RXRA: variants seen among roughly 807,000 people sequenced by gnomAD.
The protein encoded by RXRA is retinoid X receptor alpha, also known as retinoic acid receptor RXR-alpha.
In RXRA, 5 loss-of-function variants were observed where a neutral mutation model predicts 44.5. That is an observed-to-expected ratio of 0.11 (90% confidence interval 0.06 to 0.24). The LOEUF is 0.24. Among genes scored for constraint, RXRA ranks in the 10% least tolerant of loss-of-function variants. RXRA has a pLI of 1.00. For synonymous variants in RXRA, 291 were observed against 271.4 expected (o/e 1.07, Z -0.71); for missense variants, 412 against 646.5 (o/e 0.64, Z 3.93).
intron 1 of RXRA, among the ~76,000 whole-genome samples, chr9:134,346,635 G>C (rs1376400131): frequency 2.0e-5 from 3 of 152,240 alleles, no homozygotes; most frequent in Non-Finnish European, 4.4e-5. Flanking sequence ...CTTCACATTA[G>C]TGGGGGAAAG....
intron 1 of RXRA, among the ~76,000 whole-genome samples, chr9:134,386,699 C>A (rs77529276): frequency 2.0e-5 from 3 of 151,708 alleles, no homozygotes; most frequent in Non-Finnish European, 4.4e-5. Context: ...CTGCCAGACC[C>A]TGCAGCCCGA....
rs1294402174 is a variant in RXRA, at chr9:134,349,374, C to G, written c.28+22715C>G. Among the ~76,000 whole-genome samples, 1 of 152,148 alleles carries G rather than the reference C, an allele frequency of 6.6e-6. No homozygotes were observed. The highest frequency in any genetic ancestry group is 1.5e-5 in the Non-Finnish European group (1 of 68,020). On this transcript the variant is annotated intron_variant, in intron 1 of 9. Coordinates refer to ENST00000481739, the MANE Select transcript of RXRA (RefSeq NM_002957.6). This position sits in a 1 kb window ranked among gnomAD's most constrained non-coding sequence, Gnocchi z 4.3. ...TGGAGGGCTTCGCCGAGCTTGGTGGCAGGGAGGGAAGGCCTCTCCACGGGG... is the reference window on the plus strand; with the variant it reads ...TGGAGGGCTTCGCCGAGCTTGGTGGGAGGGAGGGAAGGCCTCTCCACGGGG...
chr9:134,379,453 T>G, intron 1 of RXRA: 3 of 987,236 alleles, frequency 3.0e-6, no homozygotes, highest in Non-Finnish European at 3.6e-6. Flanking sequence ...TGTGTCTGTG[T>G]CCGGGAAGTG....
At chr9:134,418,633 C>T (rs779120685) in intron 5 of RXRA, among the ~76,000 whole-genome samples, 23 of 152,306 alleles carry the variant, frequency 1.5e-4, no homozygotes, top group East Asian at 5.8e-4. Context: ...GAGGTACCTC[C>T]GGCCTTCATC....
chr9:134,429,798 C>T lies in RXRA; in HGVS notation c.1043+558C>T, dbSNP rs565439931. Reference sequence around the variant, plus strand: ...CACCCTCGTCCGGGCCTGGGTGGTCCGTGTCCGTTCATGTTGCCCTCCTGG... The same window carrying T: ...CACCCTCGTCCGGGCCTGGGTGGTCTGTGTCCGTTCATGTTGCCCTCCTGG... On this transcript the variant is annotated intron_variant, in intron 7 of 9. Coordinates refer to ENST00000481739, the MANE Select transcript of RXRA (RefSeq NM_002957.6). Among the ~76,000 whole-genome samples, 45 of 152,282 alleles carry T rather than the reference C, an allele frequency of 3.0e-4. No homozygotes were observed. The South Asian group carries it at 5.0e-3, about 17-fold the overall frequency.
chr9:134,389,859 ACCGTGCGTGCTAGCTGCAGCC>A (rs1209348525), intron 1 of RXRA, among the ~76,000 whole-genome samples: 1 of 152,130 alleles, frequency 6.6e-6, no homozygotes, highest in Non-Finnish European at 1.5e-5. Context: ...GCTGGGAGTT[ACCGTGCGTGCTAGCTGCAGCC>A]CCGTCTCAGG....
In RXRA at chr9:134,378,840, G is replaced by A. The variant is rs183042977; in HGVS notation, c.29-22792G>A. 4.5e-3 allele frequency among the ~76,000 whole-genome samples: 684 copies of A among 152,316 alleles called. 3 individuals are homozygous for A. The highest frequency in any genetic ancestry group is 0.015 in the African/African-American group (626 of 41,572). Reference sequence around the variant, plus strand: ...CCTGCAGGAGTCCCGGCAGCTTCAGGAGCGGCCTCTGGAGCCTGGAGGGCA... The same window carrying A: ...CCTGCAGGAGTCCCGGCAGCTTCAGAAGCGGCCTCTGGAGCCTGGAGGGCA... On this transcript the variant is annotated intron_variant, in intron 1 of 9. Coordinates refer to ENST00000481739, the MANE Select transcript of RXRA (RefSeq NM_002957.6).
In RXRA at chr9:134,366,638, T is replaced by C. The variant is rs1197099491; in HGVS notation, c.29-34994T>C. ...CCTCCACTAGTGGGCTTTGGCCTCC[T>C]CGTGAGGAGCTGGGTGGGGCTGGAG... On this transcript the variant is annotated intron_variant, in intron 1 of 9. Transcript: ENST00000481739. This position sits in a 1 kb window ranked among gnomAD's most constrained non-coding sequence, Gnocchi z 5.9. 6.6e-6 allele frequency among the ~76,000 whole-genome samples: 1 copy of C among 152,042 alleles called. No individual in the cohort carries two copies. The highest frequency in any genetic ancestry group is 1.9e-4 in the East Asian group (1 of 5,156).
intron 1 of RXRA, among the ~76,000 whole-genome samples, chr9:134,396,986 A>G (rs1333828959): frequency 6.6e-6 from 1 of 152,074 alleles, no homozygotes; most frequent in Non-Finnish European, 1.5e-5. Context: ...CGCCCCCACC[A>G]CAGTCAGACT....
intron 1 of RXRA, among the ~76,000 whole-genome samples, chr9:134,369,676 G>T (rs952731549): frequency 4.6e-5 from 7 of 151,996 alleles, no homozygotes; most frequent in African/African-American, 1.7e-4. Flanking sequence ...GGAGTCATGG[G>T]CCTGGGTTTG....
At chr9:134,341,970 G>A (rs1830091577) in intron 1 of RXRA, among the ~76,000 whole-genome samples, 1 of 152,158 alleles carries the variant, frequency 6.6e-6, no homozygotes, top group African/African-American at 2.4e-5. Flanking sequence ...CTGAGGGTCC[G>A]CTGTGCTCCA....
intron 6 of RXRA, chr9:134,422,343 C>CG (rs1831355022): frequency 7.8e-7 from 1 of 1,280,706 alleles, no homozygotes; most frequent in African/African-American, 1.5e-5. Flanking sequence ...GACACTACCC[C>CG]CTCCCGGGAC....
chr9:134,333,679 C>T lies in RXRA; in HGVS notation c.28+7020C>T, dbSNP rs3818737. ...TGCTGCAGCCCAGAATGCAGTGAGG[C>T]TGGGAAGCCCCGGGGAGGGATCTAA... On this transcript the variant is annotated intron_variant, in intron 1 of 9. Transcript: ENST00000481739. Among the ~76,000 whole-genome samples the T allele has an allele frequency of 1.1e-3, 173 of 152,312 alleles. 2 individuals are homozygous for T. The East Asian group carries it at 0.032, about 28-fold the overall frequency.
At chr9:134,381,365 A>G (rs1407463121) in intron 1 of RXRA, among the ~76,000 whole-genome samples, 1 of 152,086 alleles carries the variant, frequency 6.6e-6, no homozygotes, top group Non-Finnish European at 1.5e-5. Context: ...GCGCTGGGGC[A>G]GAGTGCTGAG....
At position 134,365,586 on chromosome 9, in the gene RXRA, C is replaced by T. The variant is rs1235928453; in HGVS notation, c.29-36046C>T. On this transcript the variant is annotated intron_variant, in intron 1 of 9. Transcript: ENST00000481739. This position sits in a 1 kb window ranked among gnomAD's most constrained non-coding sequence, Gnocchi z 4.0. ...GGGTGGTAGGGGGTGATCTGCTTGT[C>T]CAGTGGTTTCTGTGGCTTTTCTGGG... Among the ~76,000 whole-genome samples, 1 of 152,136 alleles carries T rather than the reference C, an allele frequency of 6.6e-6. No homozygotes were observed. Among genetic ancestry groups the T allele is most frequent in the Non-Finnish European group, 1.5e-5 (1 of 68,006 alleles).
chr9:134,425,834 T>G, intron 6 of RXRA: 2 of 985,326 alleles, frequency 2.0e-6, no homozygotes, highest in South Asian at 9.4e-5. Context: ...TGCCCTGCCT[T>G]GTGAGTGTGG....
At chr9:134,335,891 G>A (rs1340955348) in intron 1 of RXRA, among the ~76,000 whole-genome samples, 1 of 152,190 alleles carries the variant, frequency 6.6e-6, no homozygotes, top group Non-Finnish European at 1.5e-5. Flanking sequence ...CTTGGTCCCT[G>A]CCTCTCCCTG....
chr9:134,332,050 GGCCTCTTGT>G (rs1835014208), intron 1 of RXRA, among the ~76,000 whole-genome samples: 1 of 152,178 alleles, frequency 6.6e-6, no homozygotes, highest in African/African-American at 2.4e-5. Context: ...TGGGCATCTT[GGCCTCTTGT>G]GCTGGTTGAA....
intron 4 of RXRA, among the ~76,000 whole-genome samples, chr9:134,414,281 G>C (rs942187262): frequency 2.0e-5 from 3 of 152,248 alleles, no homozygotes; most frequent in African/African-American, 7.2e-5. Context: ...TGGCAGCAAG[G>C]CCCCTCGCTC....
Sources: allele counts gnomAD v4.1 joint callset (sites outside exome capture counted in the v4.1 genomes callset), GRCh38; gene constraint gnomAD v4.1.1; non-coding constraint Gnocchi (gnomAD v3.1); transcripts MANE v1.5; gene names NCBI Gene and HGNC (gene_info 2026-07-23, HGNC 2026-07-21).